The following CMTM7 variants were observed in gnomAD, a reference collection of about 807,000 sequenced individuals.
CMTM7 encodes CKLF-like MARVEL transmembrane domain-containing protein 7.
Under a neutral mutation model 19.3 loss-of-function variants are expected in CMTM7, and 7 were observed. That is an observed-to-expected ratio of 0.36 (90% CI 0.21 to 0.68). CMTM7 has a LOEUF of 0.68. Ranked by LOEUF, CMTM7 falls within the 30% of genes least tolerant of loss-of-function variation. The probability of loss-of-function intolerance (pLI) is 0.60; values close to 1 mark genes in which losing one functional copy is unlikely to be tolerated. For missense variants in CMTM7, 193 were observed against 232.6 expected, an observed-to-expected ratio of 0.83 and a Z score of 1.11; for synonymous variants, 87 against 99.3, an observed-to-expected ratio of 0.88 and a Z score of 0.74.
intron 1 of CMTM7, among the ~76,000 whole-genome samples, chr3:32,403,575 C>T (rs1696042765): frequency 1.3e-5 from 2 of 152,050 alleles, no homozygotes; most frequent in Admixed American, 1.3e-4. Context: ...TGAGGTGGGT[C>T]GTATCATTAT....
At chr3:32,411,384 T>A (rs1696173171) in intron 1 of CMTM7, among the ~76,000 whole-genome samples, 1 of 152,236 alleles carries the variant, frequency 6.6e-6, no homozygotes, top group Non-Finnish European at 1.5e-5. Context: ...AAAAATAAAT[T>A]GGTTAAGATA....
intron 1 of CMTM7, among the ~76,000 whole-genome samples, chr3:32,408,923 G>A (rs1367277840): frequency 1.3e-5 from 2 of 150,504 alleles, no homozygotes; most frequent in African/African-American, 4.9e-5. Context: ...TCGCTCTGTC[G>A]CCAGGCTGGA....
intron 1 of CMTM7, among the ~76,000 whole-genome samples, chr3:32,405,552 G>A (rs1264937821): frequency 6.6e-6 from 1 of 152,162 alleles, no homozygotes; most frequent in Non-Finnish European, 1.5e-5. Context: ...TGAGATGTTA[G>A]TATTCCTACT....
chr3:32,411,053 C>T (rs1696166620), intron 1 of CMTM7, among the ~76,000 whole-genome samples: 1 of 152,244 alleles, frequency 6.6e-6, no homozygotes, highest in Admixed American at 6.5e-5. Flanking sequence ...CCTTAAGTCA[C>T]TTCATCAGAT....
intron 3 of CMTM7, 122 bp from the exon 4 acceptor site, chr3:32,452,270 C>T (rs1696849075): frequency 1.9e-6 from 3 of 1,581,962 alleles, no homozygotes; most frequent in Non-Finnish European, 2.6e-6. Flanking sequence ...TTAGATGACT[C>T]TCCAAGCTCC....
At chr3:32,403,952 C>T (rs1433484772) in intron 1 of CMTM7, among the ~76,000 whole-genome samples, 1 of 151,934 alleles carries the variant, frequency 6.6e-6, no homozygotes, top group Non-Finnish European at 1.5e-5. Flanking sequence ...GGGTATTGAA[C>T]GGACTAAGTA....
chr3:32,436,774 C>G (rs1027898381), intron 1 of CMTM7, among the ~76,000 whole-genome samples: 3 of 152,016 alleles, frequency 2.0e-5, no homozygotes, highest in Admixed American at 2.0e-4. Flanking sequence ...GGCAGAGGCA[C>G]GAGGGCTCAG....
At chr3:32,450,565 G>A (rs1010097523) in intron 3 of CMTM7, among the ~76,000 whole-genome samples, 3 of 152,100 alleles carry the variant, frequency 2.0e-5, no homozygotes, top group Non-Finnish European at 4.4e-5. Flanking sequence ...GGGGCAGAAG[G>A]TCACTGTAGA....
At chr3:32,427,809 A>T (rs1032071397) in intron 1 of CMTM7, among the ~76,000 whole-genome samples, 3 of 152,218 alleles carry the variant, frequency 2.0e-5, no homozygotes, top group African/African-American at 7.2e-5. Context: ...GACGTTGGAA[A>T]GGGAGTTTGG....
chr3:32,451,658 G>A (rs1696834359), intron 3 of CMTM7: 1 of 186,570 alleles, frequency 5.4e-6, no homozygotes, highest in Non-Finnish European at 1.1e-5. Context: ...CAAGGAAAAT[G>A]GCTGCAGGCT....
At chr3:32,439,833 G>A (rs1462809437) in intron 1 of CMTM7, among the ~76,000 whole-genome samples, 1 of 152,226 alleles carries the variant, frequency 6.6e-6, no homozygotes, top group East Asian at 1.9e-4. Context: ...CAGTAGTACT[G>A]TAGTTGAGGG....
intron 1 of CMTM7, among the ~76,000 whole-genome samples, chr3:32,404,688 G>A (rs1022094861): frequency 5.3e-5 from 8 of 152,194 alleles, no homozygotes; most frequent in African/African-American, 1.4e-4. Flanking sequence ...ACCATGGTAT[G>A]CACACCTGAG....
chr3:32,411,660 C>G (rs943742314), intron 1 of CMTM7, among the ~76,000 whole-genome samples: 5 of 152,238 alleles, frequency 3.3e-5, no homozygotes, highest in Non-Finnish European at 7.3e-5. Context: ...GTGCTCTACT[C>G]TTGTCTCTGA....
rs536686927 is a variant in CMTM7 at position 32,449,616 on chromosome 3, A to T, written c.432+64A>T. On this transcript the variant is annotated intron_variant, in intron 3 of 4. Coordinates refer to ENST00000334983, the MANE Select transcript of CMTM7 (RefSeq NM_138410.4). This position sits in a 1 kb window ranked among gnomAD's most constrained non-coding sequence, Gnocchi z 4.5. Reference sequence around the variant, plus strand: ...ATTTAAAATGCTCATTTTCTTCCTGATGGGGGAAGAGAAGGGCTTGGTTTC... The same window carrying T: ...ATTTAAAATGCTCATTTTCTTCCTGTTGGGGGAAGAGAAGGGCTTGGTTTC... 10 of 1,264,528 alleles carry T rather than the reference A, an allele frequency of 7.9e-6. No homozygotes were observed. In the East Asian group the frequency reaches 2.3e-4, roughly 29 times the overall value. 78.3% of individuals were successfully genotyped at this position (1,264,528 alleles called of 1,614,324 possible). A position where few individuals can be genotyped will look rare whatever the true frequency, so the allele number is the denominator to read the frequency against.
rs1696801478 is a variant in CMTM7 at position 32,449,648 on chromosome 3, A to G, written c.432+96A>G. 2.1e-6 allele frequency: 2 copies of G among 940,618 alleles called. No homozygotes were observed. Among genetic ancestry groups the G allele is most frequent in the Non-Finnish European group, 3.5e-6 (2 of 572,954 alleles). The allele number at this position is 940,618 out of a possible 1,614,324, so 58.3% of individuals were successfully genotyped here. ...AAGAGAAGGGCTTGGTTTCTGGGGC[A>G]TTCCCTTCATAGAATCAATACCTAC... On this transcript the variant is annotated intron_variant, in intron 3 of 4. Transcript: ENST00000334983. This position sits in a 1 kb window ranked among gnomAD's most constrained non-coding sequence, Gnocchi z 4.5.
At chr3:32,424,201 C>A (rs1696390032) in intron 1 of CMTM7, among the ~76,000 whole-genome samples, 1 of 152,180 alleles carries the variant, frequency 6.6e-6, no homozygotes, top group Non-Finnish European at 1.5e-5. Context: ...GGCTGGCGGC[C>A]TTATGGGCTG....
At chr3:32,403,775 G>A (rs1256644162) in intron 1 of CMTM7, among the ~76,000 whole-genome samples, 2 of 152,100 alleles carry the variant, frequency 1.3e-5, no homozygotes, top group Non-Finnish European at 2.9e-5. Context: ...ACTGCATTCA[G>A]TCCATTATTT....
intron 1 of CMTM7, among the ~76,000 whole-genome samples, chr3:32,404,105 A>G (rs1165048433): frequency 6.6e-6 from 1 of 150,476 alleles, no homozygotes; most frequent in Non-Finnish European, 1.5e-5. Flanking sequence ...TGCTGATTTT[A>G]CATGCAATTT....
At chr3:32,412,480 GACACACACAC>G (rs3081435) in intron 1 of CMTM7, among the ~76,000 whole-genome samples, 6,990 of 120,064 alleles carry the variant, frequency 0.058, 230 homozygotes, top group Middle Eastern at 0.13. Context: ...GATTGAGACT[GACACACACAC>G]ACACACACAC....
Sources: allele counts gnomAD v4.1 joint callset (sites outside exome capture counted in the v4.1 genomes callset), GRCh38; gene constraint gnomAD v4.1.1; non-coding constraint Gnocchi (gnomAD v3.1); transcripts MANE v1.5; gene names NCBI Gene and HGNC (gene_info 2026-07-23, HGNC 2026-07-21).